PPFIA1: variants seen among roughly 807,000 people sequenced by gnomAD.
PPFIA1 encodes the protein PPFI scaffold protein A1.
In PPFIA1, 25 loss-of-function variants were observed where a neutral mutation model predicts 149.9. The ratio of observed to expected loss-of-function variants is 0.17; its 90% CI spans 0.12 to 0.23. The LOEUF (loss-of-function observed/expected upper bound fraction) is 0.23, where lower values mean the gene tolerates loss of function less well. Among genes scored for constraint, PPFIA1 ranks in the 10% least tolerant of loss-of-function variants. The probability of loss-of-function intolerance (pLI) is 1.00; values close to 1 mark genes in which losing one functional copy is unlikely to be tolerated. For synonymous variants in PPFIA1, 549 were observed against 552.8 expected (o/e 0.99, Z 0.10); for missense variants, 1,362 against 1,506.5 (o/e 0.90, Z 1.59).
chr11:70,281,151 T>C (rs1473023423), intron 2 of PPFIA1, among the ~76,000 whole-genome samples: 1 of 152,220 alleles, frequency 6.6e-6, no homozygotes, highest in Admixed American at 6.5e-5. Context: ...GTTCATTTGT[T>C]GATAACGCCC....
chr11:70,350,142 A>T (rs922603971), intron 16 of PPFIA1: 4 of 326,480 alleles, frequency 1.2e-5, no homozygotes, highest in African/African-American at 9.0e-5. Flanking sequence ...CTTTTTCTCA[A>T]TGGTAATTTA....
rs1406606473 is a variant in PPFIA1 at position 70,333,511 on chromosome 11, G to T, written c.1254G>T (p.Gln418His). The T allele has an allele frequency of 3.7e-6, 6 of 1,613,352 alleles. No homozygotes were observed. In the African/African-American group the frequency reaches 4.0e-5, roughly 11 times the overall value. ...RHGNIEERLR[Q>H]MEAQLEEKNQ... is the part of the protein sequence containing the mutation. ...GCAACATTGAAGAAAGGTTACGACA[G>T]ATGGAAGCACAGTTGGAGGAGAAGA... is the stretch of plus-strand genomic sequence containing the variant. The change falls in exon 10 of 28, where the codon CAG becomes CAT. Residue 418 changes from glutamine to histidine, a missense_variant. Around this residue, in one of 7 missense-constraint regions of PPFIA1, gnomAD observed 733 missense variants for 744.1 expected, o/e 0.99. Transcript: ENST00000253925.
rs148835576 is a variant in PPFIA1 at position 70,316,629 on chromosome 11, C to T, written c.265-7773C>T. Among the ~76,000 whole-genome samples the T allele has an allele frequency of 1.1e-3, 165 of 152,228 alleles. 2 individuals are homozygous for T. The highest frequency in any genetic ancestry group is 3.5e-3 in the African/African-American group (145 of 41,538). ...GGCTCTGTTGCCCCTTTCCCACTGG[C>T]GATGGGGCTACTTCGAGGCATTGGG... On this transcript the variant is annotated intron_variant, in intron 2 of 27. Transcript: ENST00000253925.
At chr11:70,347,647 A>G (rs2055794420) in intron 15 of PPFIA1, among the ~76,000 whole-genome samples, 1 of 152,166 alleles carries the variant, frequency 6.6e-6, no homozygotes, top group African/African-American at 2.4e-5. Flanking sequence ...TCGAGGCTGC[A>G]GTGAGCTGTG....
intron 15 of PPFIA1, 118 bp downstream of exon 15, chr11:70,344,010 A>G: frequency 1.1e-6 from 1 of 930,154 alleles, no homozygotes; most frequent in Non-Finnish European, 1.6e-6. Context: ...ACATAATAAT[A>G]GAACTTACTT....
chr11:70,359,086 T>C (rs543819118), intron 19 of PPFIA1, among the ~76,000 whole-genome samples: 4 of 152,346 alleles, frequency 2.6e-5, no homozygotes, highest in South Asian at 4.1e-4. Context: ...GATCTTTTTA[T>C]TTTTTTATTT....
At chr11:70,351,129 ATGGT>A in intron 16 of PPFIA1, 3 of 522,238 alleles carry the variant, frequency 5.7e-6, no homozygotes, top group Non-Finnish European at 7.8e-6. Flanking sequence ...ATAATAATGA[ATGGT>A]TGGCGTTTTA....
chr11:70,380,721 G>GC (rs922341228), intron 26 of PPFIA1, among the ~76,000 whole-genome samples: 1 of 145,510 alleles, frequency 6.9e-6, no homozygotes, highest in Admixed American at 7.0e-5. Context: ...GGCGACAAGA[G>GC]CAAAACTCTG....
At chr11:70,365,400 G>C (rs898163472) in intron 21 of PPFIA1, 2 of 456,598 alleles carry the variant, frequency 4.4e-6, no homozygotes, top group Non-Finnish European at 8.8e-6. Context: ...GTTAACACAC[G>C]AAGAGATGGA....
At chr11:70,311,262 T>C (rs1288395720) in intron 2 of PPFIA1, among the ~76,000 whole-genome samples, 3 of 150,286 alleles carry the variant, frequency 2.0e-5, no homozygotes, top group African/African-American at 7.4e-5. Flanking sequence ...GAGCCGAGAT[T>C]GGGCCATTGC....
intron 2 of PPFIA1, among the ~76,000 whole-genome samples, chr11:70,282,664 G>A (rs996324645): frequency 2.3e-4 from 35 of 150,136 alleles, no homozygotes; most frequent in African/African-American, 8.6e-4. Flanking sequence ...CAGTAGCTGG[G>A]ACTACAGGTG....
At position 70,382,176 on chromosome 11, in the gene PPFIA1, CA is replaced by C; in HGVS notation, c.*12+20del. 3.8e-6 allele frequency: 6 copies of C among 1,599,734 alleles called. No individual in the cohort carries two copies. Among genetic ancestry groups the C allele is most frequent in the Non-Finnish European group, 5.1e-6 (6 of 1,168,614 alleles). Reference sequence around the variant, plus strand: ...TCCTGTTGGTGAGTAGAGAGCACCACAACCCCTAGAGATGGCTCAGAGGCAC... The same window carrying C: ...TCCTGTTGGTGAGTAGAGAGCACCACACCCCTAGAGATGGCTCAGAGGCAC... On this transcript the variant is annotated intron_variant, in intron 27 of 27. Transcript: ENST00000253925.
intron 21 of PPFIA1, chr11:70,365,627 C>A (rs140452264): frequency 5.6e-6 from 2 of 356,948 alleles, no homozygotes; most frequent in Non-Finnish European, 1.1e-5. Context: ...CCAGGAACTT[C>A]AAGTTGGTAG....
chr11:70,373,203 A>G (rs912812429), intron 23 of PPFIA1, among the ~76,000 whole-genome samples: 9 of 151,832 alleles, frequency 5.9e-5, no homozygotes, highest in African/African-American at 1.9e-4. Context: ...ACTCAAATTT[A>G]TTTGTTTGTT....
intron 2 of PPFIA1, among the ~76,000 whole-genome samples, chr11:70,294,392 T>G (rs1437383758): frequency 6.6e-6 from 1 of 152,090 alleles, no homozygotes; most frequent in Admixed American, 6.5e-5. Context: ...AAATCCAGTG[T>G]TTCTGCTGAA....
chr11:70,382,216 G>T, intron 27 of PPFIA1, 58 bp downstream of exon 27: 1 of 1,376,774 alleles, frequency 7.3e-7, no homozygotes, highest in Middle Eastern at 1.8e-4. Context: ...AGGAGTCATC[G>T]GAGCTGCAGT....
At chr11:70,337,070 A>G (rs2055024925) in intron 11 of PPFIA1, among the ~76,000 whole-genome samples, 2 of 152,214 alleles carry the variant, frequency 1.3e-5, no homozygotes, top group Admixed American at 6.5e-5. Context: ...AGAAATTGTA[A>G]AGCCTAAAAG....
At chr11:70,319,449 C>T (rs2053812352) in intron 2 of PPFIA1, among the ~76,000 whole-genome samples, 1 of 152,224 alleles carries the variant, frequency 6.6e-6, no homozygotes, top group Non-Finnish European at 1.5e-5. Flanking sequence ...TTTCTTTTCT[C>T]TAATATTGAT....
chr11:70,291,209 T>C (rs1427050707), intron 2 of PPFIA1, among the ~76,000 whole-genome samples: 1 of 152,178 alleles, frequency 6.6e-6, no homozygotes, highest in Non-Finnish European at 1.5e-5. Flanking sequence ...CTTAAGGTGC[T>C]GTGAGGAAGC....
Sources: allele counts gnomAD v4.1 joint callset (sites outside exome capture counted in the v4.1 genomes callset), GRCh38; gene constraint gnomAD v4.1.1; regional missense constraint gnomAD v4.1.1; transcripts MANE v1.5; gene names NCBI Gene and HGNC (gene_info 2026-07-23, HGNC 2026-07-21).